VPS13B: variants seen among roughly 807,000 people sequenced by gnomAD.
VPS13B encodes the protein intermembrane lipid transfer protein VPS13B.
A neutral mutation model predicts 426.4 loss-of-function variants in VPS13B; 285 were observed. That is an observed-to-expected ratio of 0.67 (90% confidence interval 0.61 to 0.74). The LOEUF (loss-of-function observed/expected upper bound fraction) is 0.74, where lower values mean the gene tolerates loss of function less well. VPS13B is among the 30% of genes least tolerant of loss of function. The probability of loss-of-function intolerance (pLI) is 0.00; values close to 1 mark genes in which losing one functional copy is unlikely to be tolerated. For synonymous variants in VPS13B, 1,676 were observed against 1,676.4 expected (o/e 1.00, Z 0.01); for missense variants, 4,537 against 4,782.6 (o/e 0.95, Z 1.51).
intron 21 of VPS13B, among the ~76,000 whole-genome samples, chr8:99,423,982 T>C (rs1019878819): frequency 2.0e-5 from 3 of 152,140 alleles, no homozygotes; most frequent in Non-Finnish European, 4.4e-5. Context: ...TTCTGTCTCG[T>C]TGATCTGTCT....
At chr8:99,231,727 C>T (rs946482627) in intron 17 of VPS13B, among the ~76,000 whole-genome samples, 1 of 151,920 alleles carries the variant, frequency 6.6e-6, no homozygotes, top group Non-Finnish European at 1.5e-5. Context: ...GGTGCTGAGG[C>T]AAAAAACACC....
chr8:99,103,272 T>A (rs1341328337), intron 5 of VPS13B, 152 bp downstream of exon 5: 1 of 842,878 alleles, frequency 1.2e-6, no homozygotes, highest in East Asian at 2.6e-5. Context: ...TACAAAATGT[T>A]GCATATAATT....
intron 2 of VPS13B, among the ~76,000 whole-genome samples, chr8:99,031,177 C>G (rs1347380580): frequency 6.6e-6 from 1 of 151,710 alleles, no homozygotes; most frequent in Non-Finnish European, 1.5e-5. Context: ...AGTGTATTGC[C>G]GAAGCTTTCA....
At chr8:99,059,104 G>A (rs970690282) in intron 3 of VPS13B, among the ~76,000 whole-genome samples, 1 of 152,146 alleles carries the variant, frequency 6.6e-6, no homozygotes, top group South Asian at 2.1e-4. Flanking sequence ...GGATATAGTA[G>A]TTAGTGATAC....
chr8:99,130,404 T>C (rs946072459), intron 8 of VPS13B, among the ~76,000 whole-genome samples: 2 of 151,552 alleles, frequency 1.3e-5, no homozygotes, highest in African/African-American at 4.8e-5. Context: ...TTTTTTTTTT[T>C]TGAGGCAGAG....
chr8:99,859,195 C>A, intron 56 of VPS13B, 109 bp from the exon 57 acceptor site: 1 of 1,349,676 alleles, frequency 7.4e-7, no homozygotes, highest in Non-Finnish European at 1.1e-6. Context: ...ATTACTTTCC[C>A]AATTCTAGTG....
chr8:99,239,087 T>C (rs1156715219), intron 17 of VPS13B, among the ~76,000 whole-genome samples: 2 of 152,134 alleles, frequency 1.3e-5, no homozygotes, highest in Admixed American at 6.5e-5. Context: ...ATTTGACCTT[T>C]AATGAGCATC....
At chr8:99,805,814 T>C (rs1813368095) in intron 43 of VPS13B, among the ~76,000 whole-genome samples, 1 of 152,074 alleles carries the variant, frequency 6.6e-6, no homozygotes, top group African/African-American at 2.4e-5. Flanking sequence ...CCTGTTTGAC[T>C]TTTCCCCCCA....
intron 39 of VPS13B, among the ~76,000 whole-genome samples, chr8:99,757,198 A>G (rs1810684238): frequency 6.6e-6 from 1 of 152,134 alleles, no homozygotes; most frequent in Admixed American, 6.5e-5. Flanking sequence ...GGGAAAAGTG[A>G]TGAAGAGAGT....
At chr8:99,336,716 A>AATGT (rs1810896901) in intron 19 of VPS13B, among the ~76,000 whole-genome samples, 1 of 152,244 alleles carries the variant, frequency 6.6e-6, no homozygotes, top group Non-Finnish European at 1.5e-5. Context: ...ATGAACAGAC[A>AATGT]CTTCTCAAAA....
chr8:99,575,926 T>C (rs772150359), intron 32 of VPS13B, 142 bp downstream of exon 32: 13 of 824,154 alleles, frequency 1.6e-5, no homozygotes, highest in Non-Finnish European at 2.3e-5. Context: ...CTAACATTTA[T>C]GGAGCACTTT....
At chr8:99,723,617 G>T (rs1833216376) in intron 39 of VPS13B, among the ~76,000 whole-genome samples, 1 of 152,090 alleles carries the variant, frequency 6.6e-6, no homozygotes, top group Non-Finnish European at 1.5e-5. Flanking sequence ...GAGATCTGGA[G>T]TATGATGGAT....
chr8:99,089,188 T>C (rs1173416691), intron 3 of VPS13B, among the ~76,000 whole-genome samples: 2 of 152,222 alleles, frequency 1.3e-5, no homozygotes, highest in African/African-American at 4.8e-5. Context: ...AATGAGGATA[T>C]TCTTGCATTC....
Position 99,870,893 on chromosome 8 carries a change from ATT to A in VPS13B, c.11495+7_11495+8del, listed in dbSNP as rs1588810879. Reference sequence around the variant, plus strand: ...AGCCATGTCAAATATGTCTGGTAAAATTATTGAGATACGTGCTCAACTTTACA... The same window carrying A: ...AGCCATGTCAAATATGTCTGGTAAAAATTGAGATACGTGCTCAACTTTACA... On this transcript the variant is annotated splice_region_variant and intron_variant, in intron 60 of 61. Transcript: ENST00000357162. 2 of 1,613,288 alleles carry A rather than the reference ATT, an allele frequency of 1.2e-6. No homozygotes were observed. The highest frequency in any genetic ancestry group is 3.3e-5 in the Admixed American group (2 of 60,000).
chr8:99,140,145 C>A (rs1013973178), intron 12 of VPS13B, among the ~76,000 whole-genome samples: 2 of 151,630 alleles, frequency 1.3e-5, no homozygotes, highest in African/African-American at 4.8e-5. Context: ...GGTGGGCAGA[C>A]CATGAGGTCA....
intron 33 of VPS13B, among the ~76,000 whole-genome samples, chr8:99,629,179 T>A (rs1046786391): frequency 6.6e-6 from 1 of 152,160 alleles, no homozygotes; most frequent in African/African-American, 2.4e-5. Flanking sequence ...ATTAAATGAG[T>A]TGATGTACAT....
intron 16 of VPS13B, among the ~76,000 whole-genome samples, chr8:99,188,829 G>A (rs376711060): frequency 1.3e-5 from 2 of 152,070 alleles, no homozygotes; most frequent in African/African-American, 4.8e-5. Context: ...ATAATGTTGA[G>A]CATTTTTTCA....
intron 33 of VPS13B, among the ~76,000 whole-genome samples, chr8:99,599,322 C>T (rs1243110413): frequency 6.6e-6 from 1 of 152,018 alleles, no homozygotes; most frequent in Non-Finnish European, 1.5e-5. Context: ...TATGTCATCT[C>T]TCTGACCCTG....
intron 21 of VPS13B, among the ~76,000 whole-genome samples, chr8:99,402,957 T>G (rs1431805084): frequency 5.9e-5 from 9 of 152,232 alleles, no homozygotes; most frequent in Admixed American, 5.9e-4. Flanking sequence ...TACTAGCGAA[T>G]AAACATTCCT....
Sources: gnomAD v4.1 joint callset for allele counts (sites outside exome capture counted in the v4.1 genomes callset) on GRCh38, gnomAD v4.1.1 for gene constraint, MANE v1.5 for transcripts, NCBI Gene and HGNC (gene_info 2026-07-23, HGNC 2026-07-21) for gene names.